The following AGO2 variants were observed in gnomAD, a reference collection of about 807,000 sequenced individuals.
AGO2 encodes protein argonaute-2.
AGO2 carries 5 observed loss-of-function variants against 102.3 expected under a neutral mutation model. The ratio of observed to expected loss-of-function variants is 0.05; its 90% CI spans 0.03 to 0.10. The LOEUF (loss-of-function observed/expected upper bound fraction) is 0.10, where lower values mean the gene tolerates loss of function less well. Ranked by LOEUF, AGO2 falls within the 10% of genes least tolerant of loss-of-function variation. The pLI is 1.00. For synonymous variants in AGO2, 449 were observed against 473.1 expected (o/e 0.95, Z 0.66); for missense variants, 541 against 1,183.7 (o/e 0.46, Z 7.97).
At chr8:140,560,339 C>T in intron 5 of AGO2, 35 bp downstream of exon 5, 1 of 1,604,302 alleles carries the variant, frequency 6.2e-7, no homozygotes, top group Non-Finnish European at 8.5e-7. Context: ...ATGCCCAACC[C>T]TGCCCTGCAG....
chr8:140,548,656 T>C (rs2072943776), intron 12 of AGO2, among the ~76,000 whole-genome samples: 1 of 152,236 alleles, frequency 6.6e-6, no homozygotes, highest in Non-Finnish European at 1.5e-5. Flanking sequence ...ATAATCTGTC[T>C]GTGGCTCAGC....
intron 16 of AGO2, among the ~76,000 whole-genome samples, chr8:140,538,739 T>C (rs2072741139): frequency 6.6e-6 from 1 of 152,218 alleles, no homozygotes. Flanking sequence ...GAGCCACCTC[T>C]TTTGGTAATC....
rs1246671513 is a variant in AGO2 at position 140,547,423 on chromosome 8, A to G, written c.1748+45T>C. 4 of 1,599,446 alleles carry G rather than the reference A, an allele frequency of 2.5e-6. No individual in the cohort carries two copies. In the South Asian group the frequency reaches 3.4e-5, roughly 14 times the overall value. The stretch of plus-strand genomic sequence containing the variant: ...TGCACCCCACCCTGCCAAGCGTCCC[A>G]CTGTGCCCTGGTCCGCAGGCGGAGG... On this transcript the variant is annotated intron_variant, in intron 13 of 18. Coordinates refer to ENST00000220592, the MANE Select transcript of AGO2 (RefSeq NM_012154.5).
chr8:140,607,933 T>C (rs2074025753), intron 1 of AGO2, among the ~76,000 whole-genome samples: 1 of 152,220 alleles, frequency 6.6e-6, no homozygotes, highest in Non-Finnish European at 1.5e-5. Flanking sequence ...TTGTTCCGCA[T>C]ATTTTACAAA....
At chr8:140,546,548 T>A (rs1204347480) in intron 13 of AGO2, among the ~76,000 whole-genome samples, 1 of 152,106 alleles carries the variant, frequency 6.6e-6, no homozygotes, top group Admixed American at 6.5e-5. Flanking sequence ...GGCAGTTCGA[T>A]TTAGGATTCT....
At chr8:140,635,060 GC>G (rs1213077701) in intron 1 of AGO2, among the ~76,000 whole-genome samples, 9 of 148,832 alleles carry the variant, frequency 6.0e-5, no homozygotes, top group Non-Finnish European at 1.0e-4. Context: ...GGGCTGCGGC[GC>G]CCCCATCCCC....
intron 1 of AGO2, among the ~76,000 whole-genome samples, chr8:140,616,784 C>T (rs1402237915): frequency 6.6e-6 from 1 of 152,196 alleles, no homozygotes; most frequent in African/African-American, 2.4e-5. Flanking sequence ...GCTCACTGCC[C>T]CCACCTCACT....
intron 1 of AGO2, among the ~76,000 whole-genome samples, chr8:140,586,834 G>A (rs77216619): frequency 2.7e-4 from 41 of 152,248 alleles, no homozygotes; most frequent in South Asian, 2.3e-3. Flanking sequence ...GACAGAGCCC[G>A]GGAATCTGGC....
Position 140,525,041 on chromosome 8 carries a change from C to G in AGO2, c.*7003G>C, listed in dbSNP as rs560234699. On this transcript the variant is annotated 3_prime_UTR_variant, in exon 19 of 19. Transcript: ENST00000220592. ...AGATAACTCAGCCTCTTCCTACCCCCCAAAAGGGGGCTGGGGGCTGAGGTG... is the reference window on the plus strand; with the variant it reads ...AGATAACTCAGCCTCTTCCTACCCCGCAAAAGGGGGCTGGGGGCTGAGGTG... 3 of 152,216 alleles carry G rather than the reference C, an allele frequency of 2.0e-5. No individual in the cohort carries two copies. Among genetic ancestry groups the G allele is most frequent in the East Asian group, 1.9e-4 (1 of 5,200 alleles). The allele number at this position is 152,216 out of a possible 1,614,324, so 9.4% of individuals were successfully genotyped here.
rs770304043 is a variant in AGO2 at position 140,551,267 on chromosome 8, C to T, written c.1403+36G>A. 4.8e-6 allele frequency: 7 copies of T among 1,471,020 alleles called. No individual in the cohort carries two copies. In the African/African-American group the frequency reaches 1.0e-4, roughly 21 times the overall value. 91.1% of individuals were successfully genotyped at this position (1,471,020 alleles called of 1,614,324 possible). ...CACTTGAGCTGCCCATCGGGCAGCA[C>T]CCCCAGGCCGGAGCCTCTGCCTGTG... On this transcript the variant is annotated intron_variant, in intron 11 of 18. Coordinates refer to ENST00000220592, the MANE Select transcript of AGO2 (RefSeq NM_012154.5).
intron 1 of AGO2, among the ~76,000 whole-genome samples, chr8:140,594,923 A>C (rs896620223): frequency 2.6e-5 from 4 of 152,126 alleles, no homozygotes; most frequent in Admixed American, 2.0e-4. Context: ...TAAAGGTATA[A>C]ACGTACATAT....
chr8:140,603,683 G>C (rs560926830), intron 1 of AGO2, among the ~76,000 whole-genome samples: 14 of 152,148 alleles, frequency 9.2e-5, no homozygotes, highest in Non-Finnish European at 1.9e-4. Context: ...GCTCATCCGC[G>C]CTGCAGCTGT....
chr8:140,593,646 C>T (rs1341052531), intron 1 of AGO2, among the ~76,000 whole-genome samples: 1 of 150,958 alleles, frequency 6.6e-6, no homozygotes, highest in African/African-American at 2.4e-5. Flanking sequence ...AAAATGTTTA[C>T]TTCCCTTTTT....
At chr8:140,609,488 G>A (rs995440929) in intron 1 of AGO2, among the ~76,000 whole-genome samples, 2 of 152,178 alleles carry the variant, frequency 1.3e-5, no homozygotes, top group African/African-American at 2.4e-5. Context: ...CCATCACCCC[G>A]TGCACTGCTC....
At chr8:140,604,232 C>T (rs1232960580) in intron 1 of AGO2, among the ~76,000 whole-genome samples, 1 of 152,156 alleles carries the variant, frequency 6.6e-6, no homozygotes, top group East Asian at 1.9e-4. Flanking sequence ...TGTGTACTGT[C>T]GGAAAGTTAG....
In AGO2 at chr8:140,521,491, T is replaced by C. The variant is rs774883274; in HGVS notation, c.*10553A>G. ...AAAGATCCCTAATTTTTATTTCTTATTGGTATAAAATCAAATTCTTAAGAC... is the reference window on the plus strand; with the variant it reads ...AAAGATCCCTAATTTTTATTTCTTACTGGTATAAAATCAAATTCTTAAGAC... On this transcript the variant is annotated 3_prime_UTR_variant, in exon 19 of 19. Coordinates refer to ENST00000220592, the MANE Select transcript of AGO2 (RefSeq NM_012154.5). 3.3e-5 allele frequency: 5 copies of C among 152,242 alleles called. No individual in the cohort carries two copies. Among genetic ancestry groups the C allele is most frequent in the Non-Finnish European group, 7.3e-5 (5 of 68,048 alleles). 9.4% of individuals were successfully genotyped at this position (152,242 alleles called of 1,614,324 possible).
chr8:140,599,051 A>C (rs1271266790), intron 1 of AGO2, among the ~76,000 whole-genome samples: 1 of 152,208 alleles, frequency 6.6e-6, no homozygotes, highest in Non-Finnish European at 1.5e-5. Context: ...GCTCACAGGC[A>C]GACCTGGAGC....
the AGO2 span, among the ~76,000 whole-genome samples, chr8:140,641,687 A>T: frequency 6.6e-6 from 1 of 152,186 alleles, no homozygotes. Flanking sequence ...GGGTTTGAGC[A>T]ATTCTCGTGC....
chr8:140,535,312 G>C, intron 17 of AGO2, 156 bp downstream of exon 17: 11 of 588,024 alleles, frequency 1.9e-5, no homozygotes, highest in East Asian at 1.1e-4. Flanking sequence ...CCACCCCAGC[G>C]CCTGGCACAG....
Sources: allele counts gnomAD v4.1 joint callset (sites outside exome capture counted in the v4.1 genomes callset), GRCh38; gene constraint gnomAD v4.1.1; transcripts MANE v1.5; gene names NCBI Gene and HGNC (gene_info 2026-07-23, HGNC 2026-07-21).